Variants in LRRC56 observed in about 807,000 individuals in gnomAD.
LRRC56 encodes leucine rich repeat containing 56.
In LRRC56, 41 loss-of-function variants were observed where a neutral mutation model predicts 47.8. The observed-to-expected ratio is 0.86, with a 90% confidence interval of 0.67 to 1.11. The LOEUF is 1.11. Ranked by LOEUF, LRRC56 falls within the 50% of genes most tolerant of loss-of-function variation. The probability of loss-of-function intolerance (pLI) is 0.00; values close to 1 mark genes in which losing one functional copy is unlikely to be tolerated. For synonymous variants in LRRC56, 387 were observed against 311.2 expected (o/e 1.24, Z -2.56); for missense variants, 759 against 704.2 (o/e 1.08, Z -0.88).
Position 551,719 on chromosome 11 carries a change from G to T in LRRC56, c.865G>T (p.Ala289Ser), listed in dbSNP as rs1284212740. 1 of 1,611,116 alleles carries T rather than the reference G, an allele frequency of 6.2e-7. No individual in the cohort carries two copies. Among genetic ancestry groups the T allele is most frequent in the African/African-American group, 1.3e-5 (1 of 74,906 alleles). ...GTCCCTGCCTGAGACGCAGTCCCGG[G>T]CCTCCAGGCCCTGGCCCTTCTCCCT... Reference protein sequence around the residue: ...ELSLPETQSRASRPWPFSLLV... With the variant: ...ELSLPETQSRSSRPWPFSLLV... The change falls in exon 10 of 14, where the codon GCC becomes TCC. Residue 289 changes from alanine to serine, a missense_variant. Physicochemically the swap from Ala to Ser is moderately conservative, Grantham distance 99. Coordinates refer to ENST00000270115, the MANE Select transcript of LRRC56 (RefSeq NM_198075.4).
At chr11:533,542 C>G (rs1851245429), upstream of LRRC56, 1 of 1,613,886 alleles carries the variant, frequency 6.2e-7, no homozygotes, top group Non-Finnish European at 8.5e-7. Flanking sequence ...GTGCGTGCAG[C>G]CAGGTCACAC....
chr11:511,221 T>G, the LRRC56 span, among the ~76,000 whole-genome samples: 1 of 150,026 alleles, frequency 6.7e-6, no homozygotes, highest in Non-Finnish European at 1.5e-5. Context: ...CTTGGGAGGC[T>G]GAGGCAGGAG....
Position 541,584 on chromosome 11 carries a change from G to T in LRRC56, c.225G>T (p.Glu75Asp). ...VDDLRLVRTL[E>D]MCVDTREGSL... ...ACCTTCGGCTGGTGAGGACGCTGGA[G>T]ATGTGTGTGGACACTCGTGAGGGCA... The change falls in exon 5 of 14, where the codon GAG becomes GAT. Residue 75 changes from glutamate (E) to aspartate (D), a missense_variant. Transcript: ENST00000270115. The surrounding 1 kb of genome is among the most constrained non-coding windows in gnomAD (Gnocchi z 4.1). The T allele has an allele frequency of 6.3e-7, 1 of 1,591,762 alleles. No individual in the cohort carries two copies. Among genetic ancestry groups the T allele is most frequent in the Non-Finnish European group, 8.6e-7 (1 of 1,168,054 alleles).
intron 12 of LRRC56, 46 bp from the exon 13 acceptor site, chr11:552,523 C>A: frequency 6.5e-7 from 1 of 1,531,592 alleles, no homozygotes; most frequent in Admixed American, 1.8e-5. Context: ...TGTCCTGTCC[C>A]GTGGGGGGAT....
chr11:528,649 C>G, the LRRC56 span: 1 of 152,220 alleles, frequency 6.6e-6, no homozygotes. Context: ...CGCGGGTGCT[C>G]TGACGATCGT....
chr11:513,173 C>T, the LRRC56 span, among the ~76,000 whole-genome samples: 1 of 152,242 alleles, frequency 6.6e-6, no homozygotes. Context: ...CAGTCTCGCT[C>T]TGCTCTTCCA....
At chr11:508,742 G>A in the LRRC56 span, among the ~76,000 whole-genome samples, 32 of 149,146 alleles carry the variant, frequency 2.1e-4, no homozygotes, top group South Asian at 5.9e-3. Flanking sequence ...ACTCCAGTTC[G>A]GGCAACAAGA....
chr11:528,904 T>C, the LRRC56 span: 1 of 152,352 alleles, frequency 6.6e-6, no homozygotes, highest in Non-Finnish European at 1.5e-5. Context: ...TGCGGAGCAG[T>C]TGGAGACACA....
upstream of LRRC56, chr11:535,643 G>C (rs576927404): frequency 1.3e-5 from 2 of 152,032 alleles, no homozygotes; most frequent in African/African-American, 4.8e-5. Flanking sequence ...GCGCCATCGG[G>C]CCCCGCCCCA....
At chr11:553,913 C>A in intron 13 of LRRC56, 50 bp from the exon 14 acceptor site, 1 of 1,563,518 alleles carries the variant, frequency 6.4e-7, no homozygotes, top group Non-Finnish European at 8.7e-7. Context: ...CCGGGTGACT[C>A]CCTTCCCTGA....
upstream of LRRC56, chr11:532,826 G>A (rs1156911285): frequency 1.7e-5 from 26 of 1,499,008 alleles, no homozygotes; most frequent in Non-Finnish European, 4.6e-6. Context: ...GCTCCCTGCT[G>A]TGGGATCAAG....
In LRRC56 at chr11:539,746, TC is replaced by T. The variant is rs1851703064; in HGVS notation, c.-12+21del. Reference sequence around the variant, plus strand: ...CACCAGGTAAGCCTGATGCACGTAGTCGAGGGACACACTGGGCTTAGGAAGA... The same window carrying T: ...CACCAGGTAAGCCTGATGCACGTAGTGAGGGACACACTGGGCTTAGGAAGA... On this transcript the variant is annotated intron_variant, in intron 3 of 13. Coordinates refer to ENST00000270115, the MANE Select transcript of LRRC56 (RefSeq NM_198075.4). The T allele has an allele frequency of 6.6e-6, 1 of 152,230 alleles. No individual in the cohort carries two copies. Among genetic ancestry groups the T allele is most frequent in the African/African-American group, 2.4e-5 (1 of 41,362 alleles). 9.4% of individuals were successfully genotyped at this position (152,230 alleles called of 1,614,324 possible).
rs369597334 is a variant in LRRC56, at chr11:544,800, G to A, written c.326+20G>A. Reference sequence around the variant, plus strand: ...CCTGAGGTGAGCGCCTGAGGGGGGTGGGCTGGGGCCCTGCCATGAGGGGGT... The same window carrying A: ...CCTGAGGTGAGCGCCTGAGGGGGGTAGGCTGGGGCCCTGCCATGAGGGGGT... On this transcript the variant is annotated intron_variant, in intron 6 of 13. Transcript: ENST00000270115. 3.1e-6 allele frequency: 5 copies of A among 1,610,478 alleles called. No individual in the cohort carries two copies. The African/African-American group carries it at 6.7e-5, about 22-fold the overall frequency.
chr11:518,632 C>T, the LRRC56 span, among the ~76,000 whole-genome samples: 1 of 152,140 alleles, frequency 6.6e-6, no homozygotes, highest in Non-Finnish European at 1.5e-5. Flanking sequence ...CGCCTGTTCA[C>T]TTTATTACTT....
chr11:534,832 G>A (rs765220479), upstream of LRRC56, among the ~76,000 whole-genome samples: 3 of 152,220 alleles, frequency 2.0e-5, no homozygotes, highest in African/African-American at 2.4e-5. Flanking sequence ...AGCGCCTACT[G>A]CGTACTAGGC....
upstream of LRRC56, chr11:534,187 A>G (rs1008752907): frequency 6.4e-7 from 1 of 1,565,090 alleles, no homozygotes; most frequent in Non-Finnish European, 8.8e-7. Flanking sequence ...AGCTGCTGGC[A>G]CCTGGACGGC....
At chr11:551,072 G>A (rs570006627) in intron 8 of LRRC56, 59 bp from the exon 9 acceptor site, 2 of 1,028,742 alleles carry the variant, frequency 1.9e-6, no homozygotes, top group East Asian at 3.0e-5. Context: ...GAAAGAGCTG[G>A]CCGGAAGGAA....
chr11:554,522 T>G lies in LRRC56; in HGVS notation c.*246T>G. ...AGGGAGGGTCCGGCTCCCCAGCCCT[T>G]CCTTAGGGCCAGGCTTTCCCGCGGG... is the stretch of plus-strand genomic sequence containing the variant. On this transcript the variant is annotated 3_prime_UTR_variant, in exon 14 of 14. Coordinates refer to ENST00000270115, the MANE Select transcript of LRRC56 (RefSeq NM_198075.4). The G allele has an allele frequency of 7.8e-6, 3 of 384,428 alleles. No individual in the cohort carries two copies. The highest frequency in any genetic ancestry group is 7.9e-5 in the South Asian group (1 of 12,582). The allele number at this position is 384,428 out of a possible 1,614,324, so 23.8% of individuals were successfully genotyped here. A position where few individuals can be genotyped will look rare whatever the true frequency, so the allele number is the denominator to read the frequency against.
rs772558927 is a variant in LRRC56, at chr11:554,044, C to G, written c.1397C>G (p.Pro466Arg). ...CCACGAGATTCTGGCAGCAGCTCCC[C>G]GCGGTGGTCGACAGACCTGCAGTCC... ...PRPRDSGSSS[P>R]RWSTDLQSRG... The change falls in exon 14 of 14, where the codon CCG (proline) becomes CGG (arginine). Residue 466 changes from proline (P) to arginine (R), a missense_variant. Pro to Arg is a moderately radical substitution (Grantham distance 103). Coordinates refer to ENST00000270115, the MANE Select transcript of LRRC56 (RefSeq NM_198075.4). 78 of 1,611,826 alleles carry G rather than the reference C, an allele frequency of 4.8e-5. No individual in the cohort carries two copies. The highest frequency in any genetic ancestry group is 3.3e-4 in the Middle Eastern group (2 of 6,078).
Sources: gnomAD v4.1 joint callset for allele counts (sites outside exome capture counted in the v4.1 genomes callset) on GRCh38, gnomAD v4.1.1 for gene constraint, Gnocchi (gnomAD v3.1) non-coding constraint, MANE v1.5 for transcripts, NCBI Gene and HGNC (gene_info 2026-07-23, HGNC 2026-07-21) for gene names.